CNRIP1: variants seen among roughly 807,000 people sequenced by gnomAD.
CNRIP1 encodes cannabinoid receptor interacting protein 1, also known as CB1 cannabinoid receptor-interacting protein 1.
CNRIP1 carries 10 observed loss-of-function variants against 15.2 expected under a neutral mutation model. The ratio of observed to expected loss-of-function variants is 0.66; its 90% confidence interval spans 0.41 to 1.12. The LOEUF (loss-of-function observed/expected upper bound fraction) is 1.12, where lower values mean the gene tolerates loss of function less well. CNRIP1 is among the 50% of genes most tolerant of loss of function. The pLI is 0.00. For synonymous variants in CNRIP1, 91 were observed against 83.2 expected (o/e 1.09, Z -0.51); for missense variants, 211 against 214.7 (o/e 0.98, Z 0.11).
At chr2:68,290,307 C>T (rs1671135938), downstream of CNRIP1, among the ~76,000 whole-genome samples, 1 of 152,114 alleles carries the variant, frequency 6.6e-6, no homozygotes, top group African/African-American at 2.4e-5. Flanking sequence ...GGATTACAGG[C>T]GTGAGCCACT....
At chr2:68,304,699 C>G (rs1028603334) in intron 2 of CNRIP1, among the ~76,000 whole-genome samples, 1 of 151,688 alleles carries the variant, frequency 6.6e-6, no homozygotes, top group African/African-American at 2.4e-5. Flanking sequence ...CAGCTTACTG[C>G]AAGCTCCGCC....
Position 68,319,649 on chromosome 2 carries a change from C to A in CNRIP1, c.-249G>T, listed in dbSNP as rs1336684408. The A allele has an allele frequency of 2.2e-6, 1 of 460,018 alleles. No individual in the cohort carries two copies. The highest frequency in any genetic ancestry group is 4.3e-5 in the Admixed American group (1 of 23,236). 28.5% of individuals were successfully genotyped at this position (460,018 alleles called of 1,614,324 possible). On this transcript the variant is annotated 5_prime_UTR_variant, in exon 1 of 3. Transcript: ENST00000263655. Reference sequence around the variant, plus strand: ...GGCCCAAGAGACGGCTCCAAGGCCGCGCGCTTCCCCATCCCCCGCTCCAGT... The same window carrying A: ...GGCCCAAGAGACGGCTCCAAGGCCGAGCGCTTCCCCATCCCCCGCTCCAGT...
chr2:68,318,410 G>A (rs1350311740), intron 1 of CNRIP1, among the ~76,000 whole-genome samples: 1 of 152,168 alleles, frequency 6.6e-6, no homozygotes, highest in Non-Finnish European at 1.5e-5. Context: ...TCCACCCGCA[G>A]TTCTTCCGGG....
rs987542504 is a variant in CNRIP1 at position 68,319,507 on chromosome 2, G to C, written c.-107C>G. On this transcript the variant is annotated 5_prime_UTR_variant, in exon 1 of 3. Coordinates refer to ENST00000263655, the MANE Select transcript of CNRIP1 (RefSeq NM_015463.3). Reference sequence around the variant, plus strand: ...CGGAGAGGAAGCGCGGGGAGGGTGAGGGAGGTGGTGGAGCTGAGGCTGCCG... The same window carrying C: ...CGGAGAGGAAGCGCGGGGAGGGTGACGGAGGTGGTGGAGCTGAGGCTGCCG... The C allele has an allele frequency of 1.0e-5, 12 of 1,204,454 alleles. No individual in the cohort carries two copies. Among genetic ancestry groups the C allele is most frequent in the African/African-American group, 3.2e-5 (2 of 62,278 alleles). The allele number at this position is 1,204,454 out of a possible 1,614,324, so 74.6% of individuals were successfully genotyped here.
At chr2:68,294,144 G>T in intron 2 of CNRIP1, 118 bp from the exon 3 acceptor site, 1 of 1,055,792 alleles carries the variant, frequency 9.5e-7, no homozygotes, top group Non-Finnish European at 1.4e-6. Context: ...AGATTCTCTT[G>T]GTCTGCAAGG....
chr2:68,305,551 T>A (rs1435589453), intron 2 of CNRIP1, among the ~76,000 whole-genome samples: 5 of 151,708 alleles, frequency 3.3e-5, no homozygotes, highest in South Asian at 2.1e-4. Flanking sequence ...ATCCCAGCAC[T>A]TTGGGAGGCC....
intron 2 of CNRIP1, among the ~76,000 whole-genome samples, chr2:68,306,290 A>G (rs1020584505): frequency 6.7e-6 from 1 of 149,716 alleles, no homozygotes; most frequent in Non-Finnish European, 1.5e-5. Flanking sequence ...TAACAGTGAG[A>G]TAACAGCCTG....
At chr2:68,300,274 G>C (rs1207252463) in intron 2 of CNRIP1, among the ~76,000 whole-genome samples, 1 of 152,168 alleles carries the variant, frequency 6.6e-6, no homozygotes, top group Admixed American at 6.5e-5. Context: ...GGCATTGCCA[G>C]TCCTTTCAAT....
intron 2 of CNRIP1, among the ~76,000 whole-genome samples, chr2:68,315,408 T>G (rs1425380439): frequency 6.6e-6 from 1 of 152,166 alleles, no homozygotes; most frequent in Non-Finnish European, 1.5e-5. Flanking sequence ...TGAGGCAGTC[T>G]TATAAAATGC....
In CNRIP1 at chr2:68,285,669, A is replaced by AAG. The variant is rs1412694784; in HGVS notation, c.331-1186_331-1185insCT. 3.0e-4 allele frequency among the ~76,000 whole-genome samples: 7 copies of AAG among 23,510 alleles called. 1 individual carries two copies. In the East Asian group the frequency reaches 6.4e-3, roughly 21 times the overall value. The allele number at this position is 23,510 out of a possible 152,430, so 15.4% of individuals were successfully genotyped here. A position where few individuals can be genotyped will look rare whatever the true frequency, so the allele number is the denominator to read the frequency against. On this transcript the variant is annotated intron_variant, in intron 2 of 2. Transcript: ENST00000409559. Reference sequence around the variant, plus strand: ...AAGACCCTGTCTCAAAAAAAAAAAAAAAAGAAAAGAAAAGAAAAGAAAAGA... The same window carrying AAG: ...AAGACCCTGTCTCAAAAAAAAAAAAAAGAAAGAAAAGAAAAGAAAAGAAAAGA...
At position 68,314,241 on chromosome 2, in the gene CNRIP1, CT is replaced by C. The variant is rs200754734; in HGVS notation, c.330+2915del. On this transcript the variant is annotated intron_variant, in intron 2 of 2. Coordinates refer to ENST00000263655, the MANE Select transcript of CNRIP1 (RefSeq NM_015463.3). Reference sequence around the variant, plus strand: ...TCTATTTTGTTCACCACTCTTCCCCCTGAGTCCCTGATATACAGGAAATCCT... The same window carrying C: ...TCTATTTTGTTCACCACTCTTCCCCCGAGTCCCTGATATACAGGAAATCCT... Among the ~76,000 whole-genome samples the C allele has an allele frequency of 8.3e-3, 1,270 of 152,110 alleles. 11 individuals carry two copies. Among genetic ancestry groups the C allele is most frequent in the Non-Finnish European group, 0.014 (942 of 67,950 alleles).
At chr2:68,305,923 G>T (rs968913696) in intron 2 of CNRIP1, among the ~76,000 whole-genome samples, 1 of 151,602 alleles carries the variant, frequency 6.6e-6, no homozygotes, top group Non-Finnish European at 1.5e-5. Context: ...GAGGCCAGGA[G>T]TTCAAGACCA....
At chr2:68,306,638 G>A (rs925766893) in intron 2 of CNRIP1, among the ~76,000 whole-genome samples, 2 of 152,048 alleles carry the variant, frequency 1.3e-5, no homozygotes, top group Non-Finnish European at 2.9e-5. Context: ...AAACTTAGCT[G>A]GGCGTGGTGG....
intron 2 of CNRIP1, among the ~76,000 whole-genome samples, chr2:68,297,183 T>C (rs991259114): frequency 1.6e-4 from 25 of 152,308 alleles, no homozygotes; most frequent in African/African-American, 5.8e-4. Flanking sequence ...TTATCCTTAA[T>C]ATAAAGGACC....
At chr2:68,298,749 T>A (rs1460690628) in intron 2 of CNRIP1, among the ~76,000 whole-genome samples, 1 of 152,202 alleles carries the variant, frequency 6.6e-6, no homozygotes, top group Non-Finnish European at 1.5e-5. Flanking sequence ...TCATTAGCCG[T>A]CTTCCTATTC....
chr2:68,314,341 C>T (rs1365264071), intron 2 of CNRIP1, among the ~76,000 whole-genome samples: 1 of 151,768 alleles, frequency 6.6e-6, no homozygotes, highest in Non-Finnish European at 1.5e-5. Flanking sequence ...TAGAATTTAG[C>T]AATATATTAA....
chr2:68,315,084 A>T (rs571927166), intron 2 of CNRIP1, among the ~76,000 whole-genome samples: 2 of 152,242 alleles, frequency 1.3e-5, no homozygotes, highest in African/African-American at 4.8e-5. Flanking sequence ...TAAACAAAAT[A>T]AAAATTAAAA....
rs1558667165 is a variant in CNRIP1 at position 68,308,230 on chromosome 2, AAAAC to A, written c.330+8923_330+8926del. ...CAAAACAAAACAAAACAAAACAAAA[AAAAC>A]CCCCGATGTCATTGGGAATTACTTT... On this transcript the variant is annotated intron_variant, in intron 2 of 2. Transcript: ENST00000263655. Among the ~76,000 whole-genome samples, 210 of 147,802 alleles carry A rather than the reference AAAAC, an allele frequency of 1.4e-3. 2 individuals are homozygous for A. The highest frequency in any genetic ancestry group is 0.012 in the South Asian group (59 of 4,796).
intron 2 of CNRIP1, among the ~76,000 whole-genome samples, chr2:68,305,167 C>T (rs1263520147): frequency 6.7e-6 from 1 of 150,294 alleles, no homozygotes; most frequent in Non-Finnish European, 1.5e-5. Flanking sequence ...TTGCTTGAAC[C>T]CGGGAGGCAG....
Sources: allele counts gnomAD v4.1 joint callset (sites outside exome capture counted in the v4.1 genomes callset), GRCh38; gene constraint gnomAD v4.1.1; transcripts MANE v1.5; gene names NCBI Gene and HGNC (gene_info 2026-07-23, HGNC 2026-07-21).